The following AGO2 variants were observed in gnomAD, a reference collection of about 807,000 sequenced individuals.
The protein encoded by AGO2 is protein argonaute-2.
In AGO2, 5 loss-of-function variants were observed where a neutral mutation model predicts 102.3. The ratio of observed to expected loss-of-function variants is 0.05; its 90% CI spans 0.03 to 0.10. The LOEUF (loss-of-function observed/expected upper bound fraction) is 0.10. AGO2 is among the 10% of genes least tolerant of loss of function. The pLI is 1.00. For synonymous variants in AGO2, 449 were observed against 473.1 expected (o/e 0.95, Z 0.66); for missense variants, 541 against 1,183.7 (o/e 0.46, Z 7.97).
chr8:140,627,904 A>G (rs915344904), intron 1 of AGO2, among the ~76,000 whole-genome samples: 15 of 151,912 alleles, frequency 9.9e-5, no homozygotes, highest in African/African-American at 3.6e-4. Flanking sequence ...TGCACCCCCC[A>G]GGGCTGCTGC....
intron 1 of AGO2, among the ~76,000 whole-genome samples, chr8:140,606,947 A>G (rs779580068): frequency 6.1e-5 from 9 of 148,176 alleles, no homozygotes; most frequent in Non-Finnish European, 6.0e-5. Flanking sequence ...AATAATAATA[A>G]TAATAAATTC....
At chr8:140,561,914 A>G (rs1158981402) in intron 4 of AGO2, among the ~76,000 whole-genome samples, 1 of 152,252 alleles carries the variant, frequency 6.6e-6, no homozygotes, top group East Asian at 1.9e-4. Context: ...CGGGCCACTC[A>G]GGAAATTAGT....
chr8:140,545,153 C>T (rs1402237190), intron 13 of AGO2, among the ~76,000 whole-genome samples: 4 of 152,318 alleles, frequency 2.6e-5, no homozygotes, highest in South Asian at 4.1e-4. Flanking sequence ...TCACTCTCCG[C>T]CCACATCCTC....
At position 140,567,887 on chromosome 8, in the gene AGO2, G is replaced by C. The variant is rs1371109923; in HGVS notation, c.336+4925C>G. On this transcript the variant is annotated intron_variant, in intron 3 of 18. Coordinates refer to ENST00000220592, the MANE Select transcript of AGO2 (RefSeq NM_012154.5). This position sits in a 1 kb window ranked among gnomAD's most constrained non-coding sequence, Gnocchi z 5.0. Reference sequence around the variant, plus strand: ...CGCCTGTAATCCCAGTACCGTGGGAGGCCGAGGCGGGCTGGATCGCTTGAG... The same window carrying C: ...CGCCTGTAATCCCAGTACCGTGGGACGCCGAGGCGGGCTGGATCGCTTGAG... 6.6e-6 allele frequency among the ~76,000 whole-genome samples: 1 copy of C among 152,144 alleles called. No homozygotes were observed. The highest frequency in any genetic ancestry group is 1.5e-5 in the Non-Finnish European group (1 of 68,018).
intron 18 of AGO2, 45 bp downstream of exon 18, chr8:140,532,371 C>T: frequency 6.3e-7 from 1 of 1,577,422 alleles, no homozygotes; most frequent in Non-Finnish European, 8.6e-7. Flanking sequence ...ATACCCGTGG[C>T]AAAAACCACC....
At chr8:140,569,394 T>C (rs1423216163) in intron 3 of AGO2, among the ~76,000 whole-genome samples, 1 of 152,250 alleles carries the variant, frequency 6.6e-6, no homozygotes, top group Non-Finnish European at 1.5e-5. Flanking sequence ...CAGTGAGATG[T>C]GGGAATAAAT....
intron 1 of AGO2, among the ~76,000 whole-genome samples, chr8:140,599,381 A>G (rs2073897159): frequency 6.6e-6 from 1 of 152,202 alleles, no homozygotes; most frequent in Non-Finnish European, 1.5e-5. Context: ...CGCGTGCTGG[A>G]ATCTGAAACA....
intron 2 of AGO2, among the ~76,000 whole-genome samples, chr8:140,584,136 T>TTAA (rs1414401826): frequency 8.5e-6 from 1 of 116,992 alleles, no homozygotes; most frequent in African/African-American, 3.3e-5. Context: ...AGAAACTCAG[T>TTAA]AAAAAAAAAA....
rs1373077952 is a variant in AGO2 at position 140,521,502 on chromosome 8, T to C, written c.*10542A>G. The C allele has an allele frequency of 6.6e-6, 1 of 152,214 alleles. No homozygotes were observed. Among genetic ancestry groups the C allele is most frequent in the African/African-American group, 2.4e-5 (1 of 41,470 alleles). The allele number at this position is 152,214 out of a possible 1,614,324, so 9.4% of individuals were successfully genotyped here. On this transcript the variant is annotated 3_prime_UTR_variant, in exon 19 of 19. Transcript: ENST00000220592. ...ATTTTTATTTCTTATTGGTATAAAA[T>C]CAAATTCTTAAGACTCCAAAATATT... is the stretch of plus-strand genomic sequence containing the variant.
In AGO2 at chr8:140,522,969, A is replaced by G. The variant is rs973425248; in HGVS notation, c.*9075T>C. The G allele has an allele frequency of 1.5e-4, 23 of 152,352 alleles. No individual in the cohort carries two copies. Among genetic ancestry groups the G allele is most frequent in the Admixed American group, 8.5e-4 (13 of 15,304 alleles). 9.4% of individuals were successfully genotyped at this position (152,352 alleles called of 1,614,324 possible). ...AAGACACACAGCATGGTATTCAACT[A>G]AAGACAATGACATGAAGCCTCAGAA... On this transcript the variant is annotated 3_prime_UTR_variant, in exon 19 of 19. Transcript: ENST00000220592.
intron 16 of AGO2, among the ~76,000 whole-genome samples, chr8:140,536,963 C>A (rs953378996): frequency 6.6e-6 from 1 of 152,184 alleles, no homozygotes. Flanking sequence ...AATCTACAGA[C>A]GGCACTGTTT....
At chr8:140,552,264 T>G (rs1156464835) in intron 10 of AGO2, among the ~76,000 whole-genome samples, 1 of 152,234 alleles carries the variant, frequency 6.6e-6, no homozygotes, top group African/African-American at 2.4e-5. Flanking sequence ...CGGGAGCTAC[T>G]TCCACTTGAG....
chr8:140,604,189 ATTCTC>A (rs2073965204), intron 1 of AGO2, among the ~76,000 whole-genome samples: 1 of 152,222 alleles, frequency 6.6e-6, no homozygotes, highest in Admixed American at 6.5e-5. Flanking sequence ...GAGCAGATAT[ATTCTC>A]AAACTCATCA....
upstream of AGO2, among the ~76,000 whole-genome samples, chr8:140,640,447 C>T (rs1442414362): frequency 2.6e-5 from 4 of 152,160 alleles, no homozygotes; most frequent in Non-Finnish European, 5.9e-5. Context: ...TCTAGTTCCT[C>T]TTCAAAGGAT....
At chr8:140,573,102 TG>T (rs751813194) in intron 2 of AGO2, among the ~76,000 whole-genome samples, 170 bp from the exon 3 acceptor site, 5 of 151,390 alleles carry the variant, frequency 3.3e-5, no homozygotes, top group Non-Finnish European at 7.4e-5. Flanking sequence ...CTCTGCCTCC[TG>T]GGTTCAAGCA....
intron 2 of AGO2, among the ~76,000 whole-genome samples, chr8:140,577,447 A>C (rs2073484838): frequency 6.6e-6 from 1 of 152,192 alleles, no homozygotes; most frequent in African/African-American, 2.4e-5. Flanking sequence ...TTCTTACAGG[A>C]GTGTATACCT....
Position 140,557,363 on chromosome 8 carries a change from GA to G in AGO2, c.879-128del. The G allele has an allele frequency of 8.6e-7, 1 of 1,164,196 alleles. No individual in the cohort carries two copies. Among genetic ancestry groups the G allele is most frequent in the Non-Finnish European group, 1.2e-6 (1 of 842,708 alleles). The allele number at this position is 1,164,196 out of a possible 1,614,324, so 72.1% of individuals were successfully genotyped here. ...AAACATTCAGAGCACTTCCGGGAGT[GA>G]AAACCATGTCATGTGCTTTGGGTTA... is the stretch of plus-strand genomic sequence containing the variant. On this transcript the variant is annotated intron_variant, in intron 7 of 18. Coordinates refer to ENST00000220592, the MANE Select transcript of AGO2 (RefSeq NM_012154.5). This position sits in a 1 kb window ranked among gnomAD's most constrained non-coding sequence, Gnocchi z 5.9.
At chr8:140,619,398 A>C (rs1208068646) in intron 1 of AGO2, among the ~76,000 whole-genome samples, 1 of 152,212 alleles carries the variant, frequency 6.6e-6, no homozygotes, top group Non-Finnish European at 1.5e-5. Context: ...GACACAAGAG[A>C]AATAAAACGA....
intron 11 of AGO2, among the ~76,000 whole-genome samples, chr8:140,550,863 G>C (rs1469840343): frequency 6.6e-6 from 1 of 152,066 alleles, no homozygotes; most frequent in Admixed American, 6.6e-5. Flanking sequence ...CCAAAGTGCT[G>C]GGGATTACAG....
Sources: gnomAD v4.1 joint callset for allele counts (sites outside exome capture counted in the v4.1 genomes callset) on GRCh38, gnomAD v4.1.1 for gene constraint, Gnocchi (gnomAD v3.1) non-coding constraint, MANE v1.5 for transcripts, NCBI Gene and HGNC (gene_info 2026-07-23, HGNC 2026-07-21) for gene names.